EFCAB6: variants seen among roughly 807,000 people sequenced by gnomAD.
The protein encoded by EFCAB6 is EF-hand calcium binding domain 6, also known as EF-hand calcium-binding domain-containing protein 6.
In EFCAB6, 156 loss-of-function variants were observed where a neutral mutation model predicts 169.8. The ratio of observed to expected loss-of-function variants is 0.92; its 90% CI spans 0.81 to 1.05. EFCAB6 has a LOEUF of 1.05. Among genes scored for constraint, EFCAB6 ranks in the 50% least tolerant of loss-of-function variants. The pLI is 0.00. For synonymous variants in EFCAB6, 698 were observed against 676.4 expected (o/e 1.03, Z -0.50); for missense variants, 1,800 against 1,829.1 (o/e 0.98, Z 0.29).
At chr22:43,573,369 T>G (rs1218688882) in intron 26 of EFCAB6, among the ~76,000 whole-genome samples, 1 of 152,070 alleles carries the variant, frequency 6.6e-6, no homozygotes, top group Non-Finnish European at 1.5e-5. Context: ...TTGCAAGAGT[T>G]CAGAACACAA....
intron 27 of EFCAB6, among the ~76,000 whole-genome samples, chr22:43,551,436 T>C (rs994398685): frequency 1.3e-5 from 2 of 152,260 alleles, no homozygotes; most frequent in African/African-American, 4.8e-5. Flanking sequence ...AACCTAATAT[T>C]CGTGCCAGAG....
intron 3 of EFCAB6, among the ~76,000 whole-genome samples, chr22:43,774,695 AG>A (rs1264005541): frequency 9.9e-5 from 15 of 151,636 alleles, no homozygotes; most frequent in African/African-American, 3.6e-4. Context: ...GGAAGGTGAC[AG>A]GAAAGCCCAC....
At chr22:43,771,515 T>C (rs1413802945) in intron 4 of EFCAB6, among the ~76,000 whole-genome samples, 2 of 152,318 alleles carry the variant, frequency 1.3e-5, no homozygotes, top group East Asian at 3.9e-4. Context: ...TGTGCATGCA[T>C]GTGTGTGTAC....
intron 2 of EFCAB6, among the ~76,000 whole-genome samples, chr22:43,782,878 C>T (rs2061877918): frequency 6.6e-6 from 1 of 152,180 alleles, no homozygotes; most frequent in Admixed American, 6.5e-5. Context: ...GGCTGAATCT[C>T]AATATGAAGA....
chr22:43,569,347 G>A (rs1231804731), intron 26 of EFCAB6, among the ~76,000 whole-genome samples: 1 of 152,222 alleles, frequency 6.6e-6, no homozygotes, highest in Non-Finnish European at 1.5e-5. Flanking sequence ...TCATTCTGTT[G>A]CTTTTATCAC....
chr22:43,717,771 G>T (rs2147447382), intron 8 of EFCAB6, among the ~76,000 whole-genome samples: 1 of 152,098 alleles, frequency 6.6e-6, no homozygotes, highest in South Asian at 2.1e-4. Context: ...GCATAATAGG[G>T]CTACTCACCG....
rs110618 is a variant in EFCAB6 at position 43,626,698 on chromosome 22, C to G, written c.2233-19G>C. 2 of 1,612,168 alleles carry G rather than the reference C, an allele frequency of 1.2e-6. No individual in the cohort carries two copies. The highest frequency in any genetic ancestry group is 2.7e-5 in the African/African-American group (2 of 74,742). ...AGGGGTCCTAAAAACAAAACACACA[C>G]GTCAAAGCCCTTCCCCAAGAGCCCC... On this transcript the variant is annotated intron_variant, in intron 19 of 31. Transcript: ENST00000262726.
intron 7 of EFCAB6, among the ~76,000 whole-genome samples, 161 bp from the exon 8 acceptor site, chr22:43,731,972 ATTTT>A (rs549310408): frequency 4.0e-5 from 6 of 149,250 alleles, no homozygotes; most frequent in Non-Finnish European, 7.5e-5. Flanking sequence ...TTACTGTCAG[ATTTT>A]TTTTTTAATG....
At chr22:43,758,591 T>C (rs548234781) in intron 5 of EFCAB6, among the ~76,000 whole-genome samples, 2 of 152,118 alleles carry the variant, frequency 1.3e-5, no homozygotes, top group South Asian at 4.1e-4. Context: ...TTAACACACA[T>C]AGACATTTTT....
intron 22 of EFCAB6, among the ~76,000 whole-genome samples, chr22:43,606,512 A>C (rs896104993): frequency 4.6e-5 from 7 of 152,186 alleles, no homozygotes; most frequent in African/African-American, 1.4e-4. Context: ...CTTACCCAGG[A>C]CTCAAGTGGC....
intron 10 of EFCAB6, among the ~76,000 whole-genome samples, chr22:43,692,737 C>T (rs2058452740): frequency 6.6e-6 from 1 of 151,844 alleles, no homozygotes; most frequent in South Asian, 2.1e-4. Flanking sequence ...GACTTAAAAA[C>T]ATGTTATATA....
intron 1 of EFCAB6, 78 bp from the exon 2 acceptor site, chr22:43,809,209 A>T (rs568278890): frequency 1.3e-5 from 2 of 152,338 alleles, no homozygotes; most frequent in Non-Finnish European, 1.5e-5. Context: ...CCTGGAAAAA[A>T]AAATAAATTT....
chr22:43,716,066 C>T (rs2059323124), intron 9 of EFCAB6, among the ~76,000 whole-genome samples: 1 of 152,126 alleles, frequency 6.6e-6, no homozygotes, highest in African/African-American at 2.4e-5. Flanking sequence ...TTTTATCAGT[C>T]TTTTTCTTTA....
intron 24 of EFCAB6, 116 bp from the exon 25 acceptor site, chr22:43,580,775 C>T (rs2050671334): frequency 8.9e-7 from 1 of 1,120,174 alleles, no homozygotes; most frequent in South Asian, 1.5e-5. Context: ...AATTTTAAGA[C>T]ACCATTCCCT....
chr22:43,531,299 G>C (rs1009672036), intron 30 of EFCAB6, among the ~76,000 whole-genome samples: 10 of 152,128 alleles, frequency 6.6e-5, no homozygotes, highest in Non-Finnish European at 4.4e-5. Flanking sequence ...CTTGGGCTTT[G>C]ACCCCAACAC....
chr22:43,660,502 T>A (rs2056950985), intron 17 of EFCAB6, among the ~76,000 whole-genome samples: 1 of 151,654 alleles, frequency 6.6e-6, no homozygotes, highest in Non-Finnish European at 1.5e-5. Context: ...AGCCCCCAAT[T>A]TTTGTATATA....
Position 43,569,565 on chromosome 22 carries a change from C to T in EFCAB6, c.3420+6732G>A, listed in dbSNP as rs2049700656. 1.3e-5 allele frequency among the ~76,000 whole-genome samples: 2 copies of T among 152,194 alleles called. 1 individual carries two copies. Among genetic ancestry groups the T allele is most frequent in the South Asian group, 4.1e-4 (2 of 4,830 alleles). ...GTCTGCCTGGTTCCCACTGAACCAC[C>T]ACGTGATGATGCCTGTAGGCCCTGC... On this transcript the variant is annotated intron_variant, in intron 26 of 31. Transcript: ENST00000262726.
At chr22:43,737,554 TACAC>T (rs570251102) in intron 6 of EFCAB6, among the ~76,000 whole-genome samples, 12 of 145,814 alleles carry the variant, frequency 8.2e-5, no homozygotes, top group African/African-American at 2.8e-4. Flanking sequence ...CATGTATTCA[TACAC>T]ACACACTCAC....
intron 8 of EFCAB6, among the ~76,000 whole-genome samples, chr22:43,726,502 A>G (rs1039874339): frequency 6.6e-6 from 1 of 152,228 alleles, no homozygotes; most frequent in African/African-American, 2.4e-5. Flanking sequence ...GAAAAATGAA[A>G]TCTTACTCAG....
Sources: gnomAD v4.1 joint callset for allele counts (sites outside exome capture counted in the v4.1 genomes callset) on GRCh38, gnomAD v4.1.1 for gene constraint, MANE v1.5 for transcripts, NCBI Gene and HGNC (gene_info 2026-07-23, HGNC 2026-07-21) for gene names.